Variants in B3GALNT1 observed in about 807,000 individuals in gnomAD.
B3GALNT1 encodes the protein beta-1,3-N-acetylgalactosaminyltransferase 1 (Globoside blood group), also known as UDP-GalNAc:beta-1,3-N-acetylgalactosaminyltransferase 1.
In B3GALNT1, 17 loss-of-function variants were observed where a neutral mutation model predicts 27.3. The observed-to-expected ratio is 0.62, with a 90% CI of 0.43 to 0.94. The LOEUF (loss-of-function observed/expected upper bound fraction) is 0.94, where lower values mean the gene tolerates loss of function less well. B3GALNT1 is among the 40% of genes least tolerant of loss of function. The pLI, the probability that B3GALNT1 is intolerant of heterozygous loss-of-function variation, is 0.00. For synonymous variants in B3GALNT1, 141 were observed against 144.0 expected, an observed-to-expected ratio of 0.98 and a Z score of 0.15; for missense variants, 347 against 390.0, an observed-to-expected ratio of 0.89 and a Z score of 0.93.
In B3GALNT1 at chr3:161,086,241, T is replaced by A. The variant is rs778868889; in HGVS notation, c.514A>T (p.Asn172Tyr). 1.1e-5 allele frequency: 17 copies of A among 1,614,046 alleles called. No individual in the cohort carries two copies. The Admixed American group carries it at 2.8e-4, about 27-fold the overall frequency. ...AFRWVTEFCP[N>Y]AKYVMKTDTD... ...TCTGTCTTCATTACGTACTTGGCAT[T>A]GGGGCAAAACTCAGTTACCCACCTG... is the stretch of plus-strand genomic sequence containing the variant. Residue 172 changes from asparagine (N) to tyrosine (Y), a missense_variant, in exon 5 of 5, where the codon AAT (asparagine) becomes TAT (tyrosine). By Grantham distance (143) the Asn-to-Tyr change is moderately radical. Coordinates refer to ENST00000320474, the MANE Select transcript of B3GALNT1 (RefSeq NM_003781.4).
chr3:161,097,400 C>T (rs35064686), intron 4 of B3GALNT1, among the ~76,000 whole-genome samples: 1,571 of 152,242 alleles, frequency 0.01, 31 homozygotes, highest in African/African-American at 0.036. Flanking sequence ...GCTCCTAACT[C>T]CCAAATGTGT....
chr3:161,099,412 G>A (rs1329103759), intron 4 of B3GALNT1, among the ~76,000 whole-genome samples: 2 of 152,128 alleles, frequency 1.3e-5, no homozygotes, highest in African/African-American at 2.4e-5. Flanking sequence ...GTCAGAGTTC[G>A]AAAAACCAGC....
intron 3 of B3GALNT1, among the ~76,000 whole-genome samples, chr3:161,102,217 C>CA (rs34022990): frequency 0.28 from 42,793 of 152,074 alleles, 6,295 homozygotes; most frequent in East Asian, 0.55. Context: ...AGATAACAGA[C>CA]ACAGAAAGAG....
intron 4 of B3GALNT1, among the ~76,000 whole-genome samples, chr3:161,098,627 T>G (rs1729537597): frequency 6.6e-6 from 1 of 152,272 alleles, no homozygotes; most frequent in Middle Eastern, 3.4e-3. Flanking sequence ...CCAGGAACTT[T>G]AAAGAAAGGG....
intron 3 of B3GALNT1, 39 bp from the exon 4 acceptor site, chr3:161,101,272 C>A: frequency 8.3e-7 from 1 of 1,206,984 alleles, no homozygotes; most frequent in Non-Finnish European, 1.1e-6. Flanking sequence ...GGCAGAACAG[C>A]AGCAAGACTG....
chr3:161,092,090 T>C (rs1015517303), intron 4 of B3GALNT1, among the ~76,000 whole-genome samples: 3 of 152,200 alleles, frequency 2.0e-5, no homozygotes, highest in Non-Finnish European at 2.9e-5. Flanking sequence ...ACACCTATTA[T>C]GTATCTCCTA....
intron 4 of B3GALNT1, among the ~76,000 whole-genome samples, chr3:161,097,942 T>C (rs1452131125): frequency 1.3e-5 from 2 of 152,220 alleles, no homozygotes; most frequent in Non-Finnish European, 2.9e-5. Flanking sequence ...TGAATAGCAA[T>C]TGGTATATCT....
intron 4 of B3GALNT1, among the ~76,000 whole-genome samples, chr3:161,099,956 T>C (rs1175757432): frequency 6.6e-6 from 1 of 152,116 alleles, no homozygotes; most frequent in Non-Finnish European, 1.5e-5. Flanking sequence ...GGTAACTCAT[T>C]TGGTGAAGGG....
At position 161,092,763 on chromosome 3, in the gene B3GALNT1, C is replaced by CTTTTTTTTT. The variant is rs33946641; in HGVS notation, c.-34-5984_-34-5976dup. On this transcript the variant is annotated intron_variant, in intron 4 of 4. Coordinates refer to ENST00000320474, the MANE Select transcript of B3GALNT1 (RefSeq NM_003781.4). ...TTACCTTCTCAAAAGTTTCATTTTTCTTTTTTTTTTTTTTTTTTTTTGAGA... is the reference window on the plus strand; with the variant it reads ...TTACCTTCTCAAAAGTTTCATTTTTCTTTTTTTTTTTTTTTTTTTTTTTTTTTTTTGAGA... Among the ~76,000 whole-genome samples, 587 of 104,740 alleles carry CTTTTTTTTT rather than the reference C, an allele frequency of 5.6e-3. 4 individuals are homozygous for CTTTTTTTTT. The highest frequency in any genetic ancestry group is 0.014 in the East Asian group (46 of 3,402). The allele number at this position is 104,740 out of a possible 152,430, so 68.7% of individuals were successfully genotyped here.
At chr3:161,100,402 C>T (rs1158608974) in intron 4 of B3GALNT1, among the ~76,000 whole-genome samples, 6 of 152,174 alleles carry the variant, frequency 3.9e-5, no homozygotes, top group Non-Finnish European at 7.3e-5. Context: ...CCTTGAAACT[C>T]TGCTGGTTGT....
At chr3:161,099,896 T>A (rs1223539691) in intron 4 of B3GALNT1, among the ~76,000 whole-genome samples, 8 of 152,128 alleles carry the variant, frequency 5.3e-5, no homozygotes, top group Admixed American at 5.2e-4. Context: ...CATAATTCCA[T>A]AGCCCCATAT....
Position 161,104,629 on chromosome 3 carries a change from T to C in B3GALNT1, c.-308-223A>G, listed in dbSNP as rs532604197. ...ACTGCCTGTAGGAATCCTGTAGCCC[T>C]AGCCCCGTGGGATTTCCTTCTCTCT... On this transcript the variant is annotated intron_variant, in intron 1 of 4. Transcript: ENST00000320474. 9.1e-4 allele frequency: 214 copies of C among 236,218 alleles called. 5 individuals are homozygous for C. The highest frequency in any genetic ancestry group is 8.9e-3 in the South Asian group (198 of 22,230). The allele number at this position is 236,218 out of a possible 1,614,324, so 14.6% of individuals were successfully genotyped here.
At chr3:161,094,159 T>C (rs1263796122) in intron 4 of B3GALNT1, among the ~76,000 whole-genome samples, 1 of 152,188 alleles carries the variant, frequency 6.6e-6, no homozygotes, top group East Asian at 1.9e-4. Context: ...GGGAGTGTGC[T>C]GCCTGCTCAC....
intron 4 of B3GALNT1, among the ~76,000 whole-genome samples, chr3:161,096,871 G>T (rs1469691931): frequency 6.6e-6 from 1 of 152,196 alleles, no homozygotes; most frequent in Admixed American, 6.5e-5. Flanking sequence ...AGCCAAGCGG[G>T]ATCCCAGGCC....
intron 3 of B3GALNT1, chr3:161,103,190 T>C (rs1209388594): frequency 4.8e-6 from 1 of 207,560 alleles, no homozygotes; most frequent in African/African-American, 2.4e-5. Context: ...CTGGGAAACA[T>C]AAAGTGGCCT....
chr3:161,092,280 A>G (rs1725535413), intron 4 of B3GALNT1, among the ~76,000 whole-genome samples: 1 of 152,228 alleles, frequency 6.6e-6, no homozygotes, highest in South Asian at 2.1e-4. Flanking sequence ...AGCTAAATGA[A>G]TTGGATTTGT....
intron 1 of B3GALNT1, 143 bp from the exon 2 acceptor site, chr3:161,104,549 G>T (rs1733245230): frequency 2.7e-6 from 1 of 371,304 alleles, no homozygotes; most frequent in Non-Finnish European, 5.1e-6. Flanking sequence ...TTGGAAAAGT[G>T]AGACTCCGTT....
In B3GALNT1 at chr3:161,101,809, C is replaced by T. The variant is rs181436491; in HGVS notation, c.-129-576G>A. On this transcript the variant is annotated intron_variant, in intron 3 of 4. Coordinates refer to ENST00000320474, the MANE Select transcript of B3GALNT1 (RefSeq NM_003781.4). ...TTTAATACTAAGAGATAAAACTGGACGGTAATTTTTTATCTTAGAAAGTGC... is the reference window on the plus strand; with the variant it reads ...TTTAATACTAAGAGATAAAACTGGATGGTAATTTTTTATCTTAGAAAGTGC... 1.4e-4 allele frequency among the ~76,000 whole-genome samples: 21 copies of T among 152,270 alleles called. No individual in the cohort carries two copies. The South Asian group carries it at 3.1e-3, about 23-fold the overall frequency.
At chr3:161,092,978 C>T (rs892595706) in intron 4 of B3GALNT1, among the ~76,000 whole-genome samples, 1 of 151,828 alleles carries the variant, frequency 6.6e-6, no homozygotes, top group African/African-American at 2.4e-5. Context: ...AGGATGGTCT[C>T]GATCTCCTGA....
Sources: allele counts gnomAD v4.1 joint callset (sites outside exome capture counted in the v4.1 genomes callset), GRCh38; gene constraint gnomAD v4.1.1; transcripts MANE v1.5; gene names NCBI Gene and HGNC (gene_info 2026-07-23, HGNC 2026-07-21).